KCNH7: variants seen among roughly 807,000 people sequenced by gnomAD.
The protein encoded by KCNH7 is potassium voltage-gated channel subfamily H member 7, also known as voltage-gated inwardly rectifying potassium channel KCNH7.
A neutral mutation model predicts 120.8 loss-of-function variants in KCNH7; 49 were observed. That is an observed-to-expected ratio of 0.41 (90% CI 0.32 to 0.51). The LOEUF (loss-of-function observed/expected upper bound fraction) is 0.51, where lower values mean the gene tolerates loss of function less well. Ranked by LOEUF, KCNH7 falls within the 20% of genes least tolerant of loss-of-function variation. The probability of loss-of-function intolerance (pLI) is 0.38; values close to 1 mark genes in which losing one functional copy is unlikely to be tolerated. For missense variants in KCNH7, 1,097 were observed against 1,446.6 expected, an observed-to-expected ratio of 0.76 and a Z score of 3.92; for synonymous variants, 547 against 516.1, an observed-to-expected ratio of 1.06 and a Z score of -0.81.
At chr2:162,703,931 T>A (rs1187071739) in intron 2 of KCNH7, among the ~76,000 whole-genome samples, 1 of 152,120 alleles carries the variant, frequency 6.6e-6, no homozygotes, top group African/African-American at 2.4e-5. Flanking sequence ...GTTCAAAAAT[T>A]ATATTTGAGT....
chr2:162,644,090 G>A (rs929583873), intron 2 of KCNH7, among the ~76,000 whole-genome samples: 9 of 148,462 alleles, frequency 6.1e-5, no homozygotes, highest in Non-Finnish European at 3.0e-5. Flanking sequence ...TCCTACCCCC[G>A]CCCCCCACAT....
intron 2 of KCNH7, among the ~76,000 whole-genome samples, chr2:162,684,149 C>G (rs544651392): frequency 3.4e-4 from 51 of 152,118 alleles, no homozygotes; most frequent in African/African-American, 1.2e-3. Flanking sequence ...TAGCCATATG[C>G]AGAAAACTGT....
chr2:162,436,712 A>G (rs1688250867), intron 7 of KCNH7, among the ~76,000 whole-genome samples: 2 of 152,324 alleles, frequency 1.3e-5, no homozygotes, highest in Non-Finnish European at 2.9e-5. Flanking sequence ...CATTAAGAAC[A>G]CTTATATCTT....
chr2:162,396,666 C>T, intron 11 of KCNH7, 74 bp downstream of exon 11: 1 of 1,114,392 alleles, frequency 9.0e-7, no homozygotes, highest in East Asian at 2.6e-5. Flanking sequence ...CTTGATTTTT[C>T]AGAAGTATTT....
intron 2 of KCNH7, among the ~76,000 whole-genome samples, chr2:162,545,760 T>G (rs543179460): frequency 1.1e-4 from 16 of 152,190 alleles, no homozygotes; most frequent in Non-Finnish European, 2.9e-5. Context: ...AAAGACCTAA[T>G]TCAATACTCT....
At chr2:162,646,880 T>C (rs1261142668) in intron 2 of KCNH7, among the ~76,000 whole-genome samples, 1 of 152,200 alleles carries the variant, frequency 6.6e-6, no homozygotes, top group Non-Finnish European at 1.5e-5. Context: ...ATTTTAGCCT[T>C]GTGAACTTTG....
At chr2:162,496,537 C>T (rs1032762796) in intron 6 of KCNH7, among the ~76,000 whole-genome samples, 11 of 152,100 alleles carry the variant, frequency 7.2e-5, no homozygotes, top group East Asian at 1.9e-4. Context: ...TTCAGAGCCC[C>T]TCTCTCTTTG....
intron 2 of KCNH7, among the ~76,000 whole-genome samples, chr2:162,705,309 T>C (rs1686658556): frequency 6.6e-6 from 1 of 152,138 alleles, no homozygotes; most frequent in African/African-American, 2.4e-5. Flanking sequence ...AAAGCAGGTA[T>C]GGAATGGTAT....
rs1685954271 is a variant in KCNH7 at position 162,371,738 on chromosome 2, C to T, written c.*91G>A. On this transcript the variant is annotated 3_prime_UTR_variant, in exon 16 of 16. Coordinates refer to ENST00000332142, the MANE Select transcript of KCNH7 (RefSeq NM_033272.4). ...TTGCATATAATGGTACCTTGTGAGC[C>T]CCTGAGTCAAGTAGAGAGGATTTAA... 8.2e-7 allele frequency: 1 copy of T among 1,218,614 alleles called. No homozygotes were observed. Among genetic ancestry groups the T allele is most frequent in the African/African-American group, 1.5e-5 (1 of 65,562 alleles). 75.5% of individuals were successfully genotyped at this position (1,218,614 alleles called of 1,614,324 possible).
intron 2 of KCNH7, among the ~76,000 whole-genome samples, chr2:162,632,865 A>C (rs1014381489): frequency 6.6e-6 from 1 of 151,876 alleles, no homozygotes; most frequent in Non-Finnish European, 1.5e-5. Flanking sequence ...TATTAGATAA[A>C]AATACAGGAG....
chr2:162,633,083 A>G (rs1429591479), intron 2 of KCNH7, among the ~76,000 whole-genome samples: 1 of 151,914 alleles, frequency 6.6e-6, no homozygotes, highest in Non-Finnish European at 1.5e-5. Context: ...AGAAATTAAT[A>G]TTAATATTTA....
chr2:162,653,960 G>C (rs1022183103), intron 2 of KCNH7, among the ~76,000 whole-genome samples: 3 of 152,024 alleles, frequency 2.0e-5, no homozygotes, highest in Non-Finnish European at 4.4e-5. Context: ...AATAAAATTA[G>C]ACCCTTAAAT....
chr2:162,736,579 A>G (rs906612658), intron 2 of KCNH7, among the ~76,000 whole-genome samples: 1 of 152,226 alleles, frequency 6.6e-6, no homozygotes, highest in Non-Finnish European at 1.5e-5. Context: ...CATTGTGGCT[A>G]AGGGACATTC....
At chr2:162,838,120 C>T (rs565052308) in intron 1 of KCNH7, among the ~76,000 whole-genome samples, 56 of 152,274 alleles carry the variant, frequency 3.7e-4, no homozygotes, top group African/African-American at 1.3e-3. Context: ...GTAAAACAGC[C>T]TCAAAATATA....
At chr2:162,460,332 C>T (rs940610014) in intron 6 of KCNH7, among the ~76,000 whole-genome samples, 7 of 151,862 alleles carry the variant, frequency 4.6e-5, no homozygotes, top group African/African-American at 9.7e-5. Context: ...GCTGAGCTGC[C>T]GTATGGTGCC....
intron 2 of KCNH7, among the ~76,000 whole-genome samples, chr2:162,704,306 G>C (rs561934723): frequency 6.6e-6 from 1 of 152,022 alleles, no homozygotes; most frequent in African/African-American, 2.4e-5. Context: ...CAAAATAATG[G>C]CAAATCATTA....
chr2:162,723,833 A>T (rs980782131), intron 2 of KCNH7, among the ~76,000 whole-genome samples: 13 of 152,216 alleles, frequency 8.5e-5, no homozygotes, highest in Non-Finnish European at 1.8e-4. Flanking sequence ...AAGCACATTA[A>T]TACCTTACTT....
At chr2:162,454,876 G>T (rs1331251728) in intron 6 of KCNH7, among the ~76,000 whole-genome samples, 1 of 151,976 alleles carries the variant, frequency 6.6e-6, no homozygotes, top group African/African-American at 2.4e-5. Flanking sequence ...AATCATGTCA[G>T]CTGCCAAAAG....
At chr2:162,469,560 T>A (rs1162954100) in intron 6 of KCNH7, among the ~76,000 whole-genome samples, 1 of 152,226 alleles carries the variant, frequency 6.6e-6, no homozygotes, top group South Asian at 2.1e-4. Context: ...AATGATATGC[T>A]TTTTAGAAGA....
Sources: allele counts gnomAD v4.1 joint callset (sites outside exome capture counted in the v4.1 genomes callset), GRCh38; gene constraint gnomAD v4.1.1; transcripts MANE v1.5; gene names NCBI Gene and HGNC (gene_info 2026-07-23, HGNC 2026-07-21).